SEC24D: variants seen among roughly 807,000 people sequenced by gnomAD.
The protein encoded by SEC24D is protein transport protein Sec24D.
In SEC24D, 69 loss-of-function variants were observed where a neutral mutation model predicts 116.9. The observed-to-expected ratio is 0.59, with a 90% confidence interval of 0.49 to 0.72. SEC24D has a LOEUF of 0.72. SEC24D is among the 30% of genes least tolerant of loss of function. SEC24D has a pLI of 0.00. For missense variants in SEC24D, 1,131 were observed against 1,264.1 expected, an observed-to-expected ratio of 0.89 and a Z score of 1.60; for synonymous variants, 405 against 442.8, an observed-to-expected ratio of 0.91 and a Z score of 1.07.
intron 12 of SEC24D, 79 bp downstream of exon 12, chr4:118,752,618 T>C: frequency 1.1e-6 from 1 of 950,612 alleles, no homozygotes. Flanking sequence ...TAAAACAATG[T>C]ATGATTGAAT....
chr4:118,743,592 G>T (rs190913428), intron 15 of SEC24D, among the ~76,000 whole-genome samples: 14 of 151,990 alleles, frequency 9.2e-5, no homozygotes, highest in Admixed American at 4.6e-4. Flanking sequence ...TTGAACTCCC[G>T]CCCTCACGTG....
At chr4:118,749,780 C>T (rs1349667882) in intron 13 of SEC24D, among the ~76,000 whole-genome samples, 2 of 152,188 alleles carry the variant, frequency 1.3e-5, no homozygotes, top group Admixed American at 6.5e-5. Flanking sequence ...ATCACGCAGC[C>T]TCTGCATGAA....
intron 3 of SEC24D, among the ~76,000 whole-genome samples, chr4:118,821,315 T>C (rs1730391887): frequency 6.6e-6 from 1 of 152,232 alleles, no homozygotes; most frequent in South Asian, 2.1e-4. Context: ...ATTCACTGTT[T>C]CTTCATCAGA....
chr4:118,820,177 A>ATTT (rs748302677), intron 3 of SEC24D, among the ~76,000 whole-genome samples: 10 of 127,452 alleles, frequency 7.8e-5, no homozygotes, highest in African/African-American at 2.2e-4. Flanking sequence ...AATTAGTTTA[A>ATTT]TTTTTTTTTT....
chr4:118,828,940 A>G (rs1398133413), intron 2 of SEC24D, among the ~76,000 whole-genome samples: 2 of 152,160 alleles, frequency 1.3e-5, no homozygotes, highest in Non-Finnish European at 2.9e-5. Flanking sequence ...CCGCCTTCCA[A>G]TCCCAGCAAA....
chr4:118,781,300 C>T (rs928119162), intron 8 of SEC24D, among the ~76,000 whole-genome samples: 2 of 152,118 alleles, frequency 1.3e-5, no homozygotes, highest in Non-Finnish European at 2.9e-5. Context: ...CAAAATTTCT[C>T]AGCATTTGCT....
At chr4:118,801,261 CAA>C (rs773053407) in intron 7 of SEC24D, among the ~76,000 whole-genome samples, 10 of 100,418 alleles carry the variant, frequency 1.0e-4, no homozygotes, top group African/African-American at 1.2e-4. Context: ...GACTCCATCT[CAA>C]AAAAAAAAAA....
chr4:118,776,966 A>G (rs528880898), intron 8 of SEC24D, among the ~76,000 whole-genome samples: 3 of 152,316 alleles, frequency 2.0e-5, no homozygotes, highest in South Asian at 2.1e-4. Flanking sequence ...GTTAAAAATA[A>G]TAAGCCCAGA....
chr4:118,760,946 T>G (rs1727351325), intron 10 of SEC24D, among the ~76,000 whole-genome samples: 2 of 151,998 alleles, frequency 1.3e-5, no homozygotes, highest in South Asian at 4.2e-4. Flanking sequence ...CTCAAACTCC[T>G]GACCTCGTGA....
intron 2 of SEC24D, among the ~76,000 whole-genome samples, chr4:118,831,800 G>A (rs768372873): frequency 4.6e-5 from 7 of 152,050 alleles, no homozygotes; most frequent in Non-Finnish European, 8.8e-5. Flanking sequence ...ATCCAGCTTA[G>A]GGAAAAATCT....
intron 3 of SEC24D, among the ~76,000 whole-genome samples, chr4:118,819,005 A>G (rs969990775): frequency 1.3e-5 from 2 of 152,202 alleles, no homozygotes. Flanking sequence ...AGAAAATACA[A>G]ACATTAACTT....
At chr4:118,789,490 T>C (rs897306587) in intron 8 of SEC24D, among the ~76,000 whole-genome samples, 4 of 152,140 alleles carry the variant, frequency 2.6e-5, no homozygotes, top group Non-Finnish European at 4.4e-5. Flanking sequence ...CATTCCTTTT[T>C]CCCCCACAAT....
intron 8 of SEC24D, among the ~76,000 whole-genome samples, chr4:118,782,753 C>A (rs533928815): frequency 6.6e-6 from 1 of 152,214 alleles, no homozygotes; most frequent in Non-Finnish European, 1.5e-5. Context: ...TGGTGGGCTC[C>A]GCCCAGTTTG....
chr4:118,733,456 G>C (rs1725799865), intron 19 of SEC24D: 1 of 151,916 alleles, frequency 6.6e-6, no homozygotes, highest in African/African-American at 2.4e-5. Context: ...ACTGCCAACA[G>C]GATATCTCTT....
intron 7 of SEC24D, among the ~76,000 whole-genome samples, chr4:118,803,630 A>G (rs1729545831): frequency 6.6e-6 from 1 of 152,204 alleles, no homozygotes; most frequent in Admixed American, 6.5e-5. Context: ...CACTCATTTA[A>G]AAAAAGAGCT....
intron 6 of SEC24D, among the ~76,000 whole-genome samples, chr4:118,806,933 G>A (rs1225026713): frequency 1.3e-5 from 2 of 152,002 alleles, no homozygotes; most frequent in African/African-American, 4.8e-5. Flanking sequence ...GCTGCAATAA[G>A]CTATGATCGT....
chr4:118,731,661 C>T (rs1725691129), intron 20 of SEC24D, among the ~76,000 whole-genome samples, 154 bp from the exon 21 acceptor site: 1 of 152,096 alleles, frequency 6.6e-6, no homozygotes, highest in Admixed American at 6.6e-5. Context: ...AGAAAATAAT[C>T]CCTACCTTGC....
At position 118,745,077 on chromosome 4, in the gene SEC24D, ACC is replaced by A; in HGVS notation, c.1708-19_1708-18del. ...GTCTGCTGCCTAAAAAAAAAAAAAA[ACC>A]CAAAAACCCACAGAAAATGCCGTGA... is the stretch of plus-strand genomic sequence containing the variant. On this transcript the variant is annotated intron_variant, in intron 13 of 22. Coordinates refer to ENST00000280551, the MANE Select transcript of SEC24D (RefSeq NM_014822.4). 29 of 1,294,710 alleles carry A rather than the reference ACC, an allele frequency of 2.2e-5. No homozygotes were observed. The highest frequency in any genetic ancestry group is 2.9e-5 in the Non-Finnish European group (27 of 916,402). The allele number at this position is 1,294,710 out of a possible 1,614,324, so 80.2% of individuals were successfully genotyped here.
In SEC24D at chr4:118,752,794, G is replaced by C; in HGVS notation, c.1516C>G (p.Pro506Ala). Residue 506 changes from proline to alanine, a missense_variant, in exon 12 of 23, where the codon CCT (proline) becomes GCT (alanine). By Grantham distance (27) the Pro-to-Ala change is conservative (BLOSUM62 -1). Transcript: ENST00000280551. ...ACATCAGTCACCACCATCATCTGAGGCTGGGCCAGATTACTCTTCACATTA... is the reference window on the plus strand; with the variant it reads ...ACATCAGTCACCACCATCATCTGAGCCTGGGCCAGATTACTCTTCACATTA... ...FFNVKSNLAQPQMMVVTDVGE... is the reference protein window; with the variant it reads ...FFNVKSNLAQAQMMVVTDVGE... 6.2e-7 allele frequency: 1 copy of C among 1,611,740 alleles called. No individual in the cohort carries two copies.
Sources: allele counts gnomAD v4.1 joint callset (sites outside exome capture counted in the v4.1 genomes callset), GRCh38; gene constraint gnomAD v4.1.1; transcripts MANE v1.5; gene names NCBI Gene and HGNC (gene_info 2026-07-23, HGNC 2026-07-21).